Variants in EVA1C observed in about 807,000 individuals in gnomAD.
EVA1C encodes protein eva-1 homolog C.
A neutral mutation model predicts 45.4 loss-of-function variants in EVA1C; 25 were observed. The observed-to-expected ratio is 0.55, with a 90% CI of 0.40 to 0.77. EVA1C has a LOEUF of 0.77. Ranked by LOEUF, EVA1C falls within the 30% of genes least tolerant of loss-of-function variation. The pLI, the probability that EVA1C is intolerant of heterozygous loss-of-function variation, is 0.00. For missense variants in EVA1C, 479 were observed against 554.8 expected, an observed-to-expected ratio of 0.86 and a Z score of 1.37; for synonymous variants, 190 against 221.2, an observed-to-expected ratio of 0.86 and a Z score of 1.25.
chr21:32,488,805 C>T (rs1601403429), intron 4 of EVA1C, among the ~76,000 whole-genome samples: 1 of 152,114 alleles, frequency 6.6e-6, no homozygotes, highest in South Asian at 2.1e-4. Flanking sequence ...AGGCTGGTCT[C>T]GAACTCCTGA....
chr21:32,498,394 C>T (rs2037421444), intron 5 of EVA1C, among the ~76,000 whole-genome samples: 1 of 148,326 alleles, frequency 6.7e-6, no homozygotes, highest in South Asian at 2.1e-4. Context: ...TGGCAGTGAG[C>T]TGAGATCTCG....
intron 1 of EVA1C, among the ~76,000 whole-genome samples, chr21:32,422,138 G>A (rs756734150): frequency 6.6e-6 from 1 of 151,640 alleles, no homozygotes; most frequent in Non-Finnish European, 1.5e-5. Context: ...AGAAAAAACA[G>A]GTGTATTTGT....
chr21:32,502,024 CTTTCT>C (rs2037561007), intron 6 of EVA1C, among the ~76,000 whole-genome samples: 1 of 132,374 alleles, frequency 7.6e-6, no homozygotes, highest in Non-Finnish European at 1.6e-5. Context: ...TTCTTTCTTT[CTTTCT>C]TTCTTTCTTT....
chr21:32,412,504 A>C, upstream of EVA1C: 1 of 203,556 alleles, frequency 4.9e-6, no homozygotes. Flanking sequence ...CGCGGTGGGC[A>C]GCGCGCCAGG....
intron 5 of EVA1C, among the ~76,000 whole-genome samples, chr21:32,495,935 T>C (rs2037338309): frequency 6.6e-6 from 1 of 152,200 alleles, no homozygotes; most frequent in Non-Finnish European, 1.5e-5. Flanking sequence ...TGGAAATCGC[T>C]TTTTCCCCTG....
chr21:32,501,184 T>C (rs528009675), intron 5 of EVA1C, among the ~76,000 whole-genome samples: 3 of 152,268 alleles, frequency 2.0e-5, no homozygotes, highest in Admixed American at 1.3e-4. Flanking sequence ...TCTCCATTTT[T>C]TTTAATATTG....
At chr21:32,510,763 C>T (rs1468428035) in intron 7 of EVA1C, among the ~76,000 whole-genome samples, 1 of 152,156 alleles carries the variant, frequency 6.6e-6, no homozygotes, top group Non-Finnish European at 1.5e-5. Context: ...CACCAGATGC[C>T]ATGGCTCACA....
intron 5 of EVA1C, 107 bp downstream of exon 5, chr21:32,495,277 C>T: frequency 3.5e-6 from 4 of 1,137,064 alleles, no homozygotes; most frequent in Non-Finnish European, 4.9e-6. Context: ...AAACACTGCT[C>T]CTCCTGAAGC....
intron 5 of EVA1C, chr21:32,497,071 C>T: frequency 9.5e-7 from 1 of 1,057,230 alleles, no homozygotes; most frequent in Non-Finnish European, 1.5e-6. Flanking sequence ...TGTCATTGGA[C>T]AGGATGGTCT....
chr21:32,427,883 G>T (rs994389216), intron 1 of EVA1C, among the ~76,000 whole-genome samples: 3 of 149,946 alleles, frequency 2.0e-5, no homozygotes, highest in Admixed American at 6.7e-5. Flanking sequence ...AAAAAGAAAG[G>T]CAGGAAAAAC....
chr21:32,500,250 T>G (rs1240264168), intron 5 of EVA1C, among the ~76,000 whole-genome samples: 2 of 132,922 alleles, frequency 1.5e-5, no homozygotes, highest in Non-Finnish European at 3.1e-5. Context: ...CAGGCTGGAG[T>G]GCAGTGGCAC....
At chr21:32,461,748 G>C (rs1259701472) in intron 3 of EVA1C, among the ~76,000 whole-genome samples, 2 of 152,172 alleles carry the variant, frequency 1.3e-5, no homozygotes, top group East Asian at 3.9e-4. Flanking sequence ...TACCAGCAAG[G>C]CTCACCGGAA....
chr21:32,483,503 A>C (rs971652863), intron 4 of EVA1C, among the ~76,000 whole-genome samples: 1 of 151,876 alleles, frequency 6.6e-6, no homozygotes, highest in East Asian at 1.9e-4. Context: ...GGAGTACTCC[A>C]CTCCCAGGCA....
intron 4 of EVA1C, among the ~76,000 whole-genome samples, chr21:32,481,501 A>G (rs2146352608): frequency 7.5e-6 from 1 of 132,774 alleles, no homozygotes; most frequent in East Asian, 2.4e-4. Context: ...AACCCCGTGC[A>G]GCCACAAGAA....
intron 1 of EVA1C, among the ~76,000 whole-genome samples, chr21:32,422,837 G>A (rs1222380385): frequency 6.6e-6 from 1 of 152,080 alleles, no homozygotes; most frequent in Non-Finnish European, 1.5e-5. Context: ...CACTTTGGAA[G>A]GCCGAGGCAG....
intron 7 of EVA1C, among the ~76,000 whole-genome samples, chr21:32,505,024 C>T (rs751673802): frequency 4.0e-5 from 6 of 151,892 alleles, no homozygotes; most frequent in Non-Finnish European, 5.9e-5. Context: ...CATCAGATCT[C>T]GTGAGACTTA....
In EVA1C at chr21:32,426,224, G is replaced by C. The variant is rs564730037; in HGVS notation, c.160+13211G>C. ...TGCCTTCATCTCAAGCTAGACTCTTGGCCATCATTAACGTCAAAGTGAAAT... is the reference window on the plus strand; with the variant it reads ...TGCCTTCATCTCAAGCTAGACTCTTCGCCATCATTAACGTCAAAGTGAAAT... On this transcript the variant is annotated intron_variant, in intron 1 of 7. Transcript: ENST00000300255. Among the ~76,000 whole-genome samples the C allele has an allele frequency of 9.8e-4, 149 of 152,122 alleles. 1 individual carries two copies. The highest frequency in any genetic ancestry group is 1.7e-3 in the Non-Finnish European group (118 of 67,996).
chr21:32,477,451 G>A (rs2036606594), intron 4 of EVA1C, among the ~76,000 whole-genome samples: 1 of 152,178 alleles, frequency 6.6e-6, no homozygotes, highest in African/African-American at 2.4e-5. Flanking sequence ...CAGGGATAGT[G>A]TAGTCTGGCA....
intron 1 of EVA1C, among the ~76,000 whole-genome samples, chr21:32,419,993 T>C (rs1357315898): frequency 6.6e-6 from 1 of 152,186 alleles, no homozygotes; most frequent in East Asian, 1.9e-4. Flanking sequence ...ACCAAGTGAT[T>C]CTGGTGTCTT....
Sources: gnomAD v4.1 joint callset for allele counts (sites outside exome capture counted in the v4.1 genomes callset) on GRCh38, gnomAD v4.1.1 for gene constraint, MANE v1.5 for transcripts, NCBI Gene and HGNC (gene_info 2026-07-23, HGNC 2026-07-21) for gene names.